USH2A: variants seen among roughly 807,000 people sequenced by gnomAD.
USH2A encodes the protein usherin.
A neutral mutation model predicts 538.9 loss-of-function variants in USH2A; 443 were observed. The observed-to-expected ratio is 0.82, with a 90% CI of 0.76 to 0.89. The LOEUF (loss-of-function observed/expected upper bound fraction) is 0.89. USH2A is among the 40% of genes least tolerant of loss of function. The probability of loss-of-function intolerance (pLI) is 0.00; values close to 1 mark genes in which losing one functional copy is unlikely to be tolerated. For missense variants in USH2A, 6,633 were observed against 6,324.8 expected, an observed-to-expected ratio of 1.05 and a Z score of -1.65; for synonymous variants, 2,413 against 2,273.5, an observed-to-expected ratio of 1.06 and a Z score of -1.75.
chr1:216,027,413 G>C (rs1668995807), intron 32 of USH2A, among the ~76,000 whole-genome samples: 2 of 152,138 alleles, frequency 1.3e-5, no homozygotes, highest in South Asian at 2.1e-4. Flanking sequence ...ATACATTCCT[G>C]TTGTTTAAGC....
At chr1:215,937,736 T>A (rs1178112329) in intron 37 of USH2A, among the ~76,000 whole-genome samples, 1 of 152,112 alleles carries the variant, frequency 6.6e-6, no homozygotes, top group East Asian at 1.9e-4. Context: ...GCAGGTCTTA[T>A]AAAAGATTGA....
In USH2A at chr1:215,950,614, C is replaced by T. The variant is rs145121185; in HGVS notation, c.7120+14703G>A. On this transcript the variant is annotated intron_variant, in intron 37 of 71. Coordinates refer to ENST00000307340, the MANE Select transcript of USH2A (RefSeq NM_206933.4). ...CTCCAAATCCTGGGTTCAATCAATTCTCTGCCTCAGCCTCTCGAGTAGCTG... is the reference window on the plus strand; with the variant it reads ...CTCCAAATCCTGGGTTCAATCAATTTTCTGCCTCAGCCTCTCGAGTAGCTG... 7.5e-4 allele frequency among the ~76,000 whole-genome samples: 113 copies of T among 150,006 alleles called. 2 individuals are homozygous for T. In the East Asian group the frequency reaches 0.018, roughly 25 times the overall value.
chr1:215,750,668 G>T lies in USH2A; in HGVS notation c.11390-7333C>A, dbSNP rs79699450. 3.0e-3 allele frequency among the ~76,000 whole-genome samples: 451 copies of T among 152,176 alleles called. 1 individual carries two copies. Among genetic ancestry groups the T allele is most frequent in the African/African-American group, 0.011 (443 of 41,532 alleles). On this transcript the variant is annotated intron_variant, in intron 58 of 71. Coordinates refer to ENST00000307340, the MANE Select transcript of USH2A (RefSeq NM_206933.4). ...ATGAAAAATCATTTGCTTTCCGCAC[G>T]TTTAGGTGGAAAAATATTGAGAAAA... is the stretch of plus-strand genomic sequence containing the variant.
chr1:216,312,482 A>C (rs2037439985), intron 9 of USH2A, among the ~76,000 whole-genome samples: 1 of 151,792 alleles, frequency 6.6e-6, no homozygotes. Flanking sequence ...CTATTTGTTC[A>C]GTCATTTTTC....
At chr1:215,727,778 T>C (rs1659871489) in intron 61 of USH2A, among the ~76,000 whole-genome samples, 2 of 152,078 alleles carry the variant, frequency 1.3e-5, no homozygotes, top group Admixed American at 6.6e-5. Context: ...CAGGCAATTT[T>C]ATGAATAAAT....
At chr1:215,997,381 A>C (rs1395819994) in intron 34 of USH2A, among the ~76,000 whole-genome samples, 1 of 152,108 alleles carries the variant, frequency 6.6e-6, no homozygotes, top group Non-Finnish European at 1.5e-5. Context: ...TTTTTTTAGC[A>C]TCATAGAATT....
chr1:216,268,366 A>G (rs1390110766), intron 11 of USH2A, among the ~76,000 whole-genome samples: 1 of 152,100 alleles, frequency 6.6e-6, no homozygotes, highest in Non-Finnish European at 1.5e-5. Flanking sequence ...GAGCATAATA[A>G]TATCTACCTC....
At chr1:215,712,766 T>C (rs141572648) in intron 61 of USH2A, among the ~76,000 whole-genome samples, 76 of 152,222 alleles carry the variant, frequency 5.0e-4, no homozygotes, top group Admixed American at 1.4e-3. Flanking sequence ...CAAGAAAATA[T>C]AATAAATTTT....
At chr1:215,897,733 AAGAG>A (rs386369632) in intron 40 of USH2A, among the ~76,000 whole-genome samples, 2 of 151,322 alleles carry the variant, frequency 1.3e-5, no homozygotes, top group Non-Finnish European at 2.9e-5. Context: ...GAAAGAAAGA[AAGAG>A]AGAGAAAGAG....
At position 216,189,385 on chromosome 1, in the gene USH2A, C is replaced by T. The variant is rs967537825; in HGVS notation, c.4396+838G>A. Among the ~76,000 whole-genome samples, 6 of 151,928 alleles carry T rather than the reference C, an allele frequency of 3.9e-5. No homozygotes were observed. The East Asian group carries it at 1.2e-3, about 30-fold the overall frequency. The stretch of plus-strand genomic sequence containing the variant: ...AATTTTCGTAATATCTGTAATTCAT[C>T]TAGAGTGTCTTAACCTCCTTACACA... On this transcript the variant is annotated intron_variant, in intron 20 of 71. Coordinates refer to ENST00000307340, the MANE Select transcript of USH2A (RefSeq NM_206933.4).
intron 32 of USH2A, among the ~76,000 whole-genome samples, chr1:216,035,478 G>A (rs2029886809): frequency 6.6e-6 from 1 of 152,136 alleles, no homozygotes; most frequent in Non-Finnish European, 1.5e-5. Context: ...AACCAGTCTT[G>A]CCAATATCTT....
chr1:216,265,018 A>G (rs1359021969), intron 11 of USH2A, among the ~76,000 whole-genome samples: 1 of 152,130 alleles, frequency 6.6e-6, no homozygotes, highest in Admixed American at 6.5e-5. Flanking sequence ...AAATGGAATT[A>G]CATCAAACTA....
At chr1:216,060,411 A>C (rs1205962580) in intron 30 of USH2A, among the ~76,000 whole-genome samples, 1 of 152,182 alleles carries the variant, frequency 6.6e-6, no homozygotes, top group Non-Finnish European at 1.5e-5. Flanking sequence ...TAAAAAAATT[A>C]AGTCCATTGT....
At chr1:216,063,689 A>G (rs546391301) in intron 30 of USH2A, among the ~76,000 whole-genome samples, 22 of 152,360 alleles carry the variant, frequency 1.4e-4, no homozygotes, top group African/African-American at 4.8e-4. Flanking sequence ...ACTTAAATAC[A>G]GAGAATCTCA....
intron 24 of USH2A, among the ~76,000 whole-genome samples, chr1:216,085,455 C>T (rs923735594): frequency 4.0e-5 from 6 of 151,130 alleles, no homozygotes; most frequent in Non-Finnish European, 8.9e-5. Flanking sequence ...AGAGAAAAAG[C>T]AAGAAAAAAA....
At chr1:215,777,833 A>C (rs1290790399) in intron 55 of USH2A, among the ~76,000 whole-genome samples, 1 of 152,188 alleles carries the variant, frequency 6.6e-6, no homozygotes, top group African/African-American at 2.4e-5. Flanking sequence ...TTCATCTTTC[A>C]GATATGATTA....
intron 38 of USH2A, among the ~76,000 whole-genome samples, chr1:215,926,566 G>A (rs888365732): frequency 1.3e-5 from 2 of 150,288 alleles, no homozygotes; most frequent in Non-Finnish European, 3.0e-5. Context: ...TGCCACTTTG[G>A]AAGCGTGTCT....
In USH2A at chr1:215,625,799, G is replaced by C; in HGVS notation, c.15591C>G (p.Phe5197Leu). 1 of 1,614,122 alleles carries C rather than the reference G, an allele frequency of 6.2e-7. No individual in the cohort carries two copies. Among genetic ancestry groups the C allele is most frequent in the South Asian group, 1.1e-5 (1 of 91,078 alleles). The change falls in exon 72 of 72, where the codon TTC becomes TTG. Residue 5197 changes from phenylalanine to leucine, a missense_variant. Physicochemically the swap from Phe to Leu is conservative, Grantham distance 22. Transcript: ENST00000307340. ...FSSVTKERTT[F>L]TDTHL ...CCATCCTTTACAGGTGGGTGTCTGT[G>C]AATGTGGTGCGTTCCTTAGTCACTG...
chr1:215,726,545 T>C (rs539923474), intron 61 of USH2A, among the ~76,000 whole-genome samples: 92 of 152,330 alleles, frequency 6.0e-4, no homozygotes, highest in Non-Finnish European at 1.2e-3. Flanking sequence ...GTAATTTAAA[T>C]ATTTTGATAA....
Sources: gnomAD v4.1 joint callset for allele counts (sites outside exome capture counted in the v4.1 genomes callset) on GRCh38, gnomAD v4.1.1 for gene constraint, MANE v1.5 for transcripts, NCBI Gene and HGNC (gene_info 2026-07-23, HGNC 2026-07-21) for gene names.